The following SPATA6 variants were observed in gnomAD, a reference collection of about 807,000 sequenced individuals.
SPATA6 encodes spermatogenesis associated 6.
Under a neutral mutation model 65.3 loss-of-function variants are expected in SPATA6, and 56 were observed. The observed-to-expected ratio is 0.86, with a 90% CI of 0.69 to 1.07. The LOEUF is 1.07. Among genes scored for constraint, SPATA6 ranks in the 50% least tolerant of loss-of-function variants. SPATA6 has a pLI of 0.00. For synonymous variants in SPATA6, 199 were observed against 213.2 expected (o/e 0.93, Z 0.58); for missense variants, 590 against 594.8 (o/e 0.99, Z 0.08).
At chr1:48,304,827 G>A (rs1161433049) in intron 12 of SPATA6, among the ~76,000 whole-genome samples, 1 of 152,138 alleles carries the variant, frequency 6.6e-6, no homozygotes, top group Admixed American at 6.5e-5. Context: ...TATGGGTTAA[G>A]CACCCAAAAT....
At position 48,412,675 on chromosome 1, in the gene SPATA6, A is replaced by G. The variant is rs556645701; in HGVS notation, c.280+435T>C. On this transcript the variant is annotated intron_variant, in intron 4 of 12. Coordinates refer to ENST00000371847, the MANE Select transcript of SPATA6 (RefSeq NM_019073.4). The stretch of plus-strand genomic sequence containing the variant: ...GCTCTGTCACCCAGGCTGGAGTGCA[A>G]TGGCATGATCTTGGCTCACTGCAAC... Among the ~76,000 whole-genome samples, 8 of 152,140 alleles carry G rather than the reference A, an allele frequency of 5.3e-5. No homozygotes were observed. The South Asian group carries it at 1.7e-3, about 32-fold the overall frequency.
chr1:48,265,427 T>C, the SPATA6 span, among the ~76,000 whole-genome samples: 1 of 151,512 alleles, frequency 6.6e-6, no homozygotes, highest in Non-Finnish European at 1.5e-5. Context: ...TAAAGGTTAG[T>C]CATGGATAAA....
chr1:48,356,505 C>T (rs1322912192), intron 10 of SPATA6, among the ~76,000 whole-genome samples: 2 of 147,654 alleles, frequency 1.4e-5, no homozygotes, highest in African/African-American at 5.0e-5. Context: ...CCCAGTTTGT[C>T]CTTTCTTTTT....
chr1:48,344,078 A>G (rs1646295247), intron 11 of SPATA6: 1 of 152,178 alleles, frequency 6.6e-6, no homozygotes, highest in South Asian at 2.1e-4. Flanking sequence ...TTAAAACACC[A>G]TGATTTCCAC....
At chr1:48,464,991 C>T (rs535803063) in intron 1 of SPATA6, among the ~76,000 whole-genome samples, 8 of 151,498 alleles carry the variant, frequency 5.3e-5, no homozygotes, top group South Asian at 2.1e-4. Flanking sequence ...TTACCAGAAA[C>T]GAAAAAATTA....
At chr1:48,430,244 C>T (rs1021205321) in intron 3 of SPATA6, among the ~76,000 whole-genome samples, 1 of 152,004 alleles carries the variant, frequency 6.6e-6, no homozygotes, top group African/African-American at 2.4e-5. Context: ...AAAAGACAAG[C>T]CACACATCAC....
intron 11 of SPATA6, among the ~76,000 whole-genome samples, chr1:48,320,087 T>C (rs1431408912): frequency 6.6e-6 from 1 of 152,152 alleles, no homozygotes; most frequent in East Asian, 1.9e-4. Context: ...ATGAGCCCTT[T>C]GTCTCCTACA....
the SPATA6 span, among the ~76,000 whole-genome samples, chr1:48,284,995 C>G: frequency 6.6e-6 from 1 of 152,188 alleles, no homozygotes; most frequent in Non-Finnish European, 1.5e-5. Flanking sequence ...AGCCAGCACG[C>G]AGGAACGTTT....
intron 9 of SPATA6, among the ~76,000 whole-genome samples, chr1:48,359,986 T>A (rs1339237728): frequency 6.6e-6 from 1 of 152,150 alleles, no homozygotes; most frequent in Non-Finnish European, 1.5e-5. Context: ...ATCAAGATTG[T>A]CATTATATAT....
At chr1:48,456,756 A>C (rs1657036412) in intron 1 of SPATA6, among the ~76,000 whole-genome samples, 1 of 152,178 alleles carries the variant, frequency 6.6e-6, no homozygotes, top group African/African-American at 2.4e-5. Flanking sequence ...TCACTAGAGA[A>C]GTTCAAGAGG....
chr1:48,321,772 CA>C (rs1293168094), intron 11 of SPATA6, among the ~76,000 whole-genome samples: 1 of 152,070 alleles, frequency 6.6e-6, no homozygotes, highest in East Asian at 1.9e-4. Flanking sequence ...TGTCAGGCCC[CA>C]AAACAAGTCT....
intron 6 of SPATA6, among the ~76,000 whole-genome samples, chr1:48,403,285 A>T (rs1270080168): frequency 1.3e-5 from 2 of 152,154 alleles, no homozygotes; most frequent in South Asian, 4.1e-4. Context: ...AATGTCCAAG[A>T]TTCTCTTGAT....
intron 5 of SPATA6, among the ~76,000 whole-genome samples, chr1:48,405,801 G>A (rs890475193): frequency 5.3e-5 from 8 of 152,072 alleles, no homozygotes; most frequent in African/African-American, 1.7e-4. Context: ...TGAAGGAGTA[G>A]CAAAAATTTT....
At chr1:48,369,401 G>A (rs1211764026) in intron 9 of SPATA6, among the ~76,000 whole-genome samples, 2 of 152,210 alleles carry the variant, frequency 1.3e-5, no homozygotes, top group Non-Finnish European at 2.9e-5. Context: ...GAGGCAGGCA[G>A]GCCTCCTTGA....
At chr1:48,327,501 A>G (rs1446257131) in intron 11 of SPATA6, among the ~76,000 whole-genome samples, 1 of 152,220 alleles carries the variant, frequency 6.6e-6, no homozygotes, top group Non-Finnish European at 1.5e-5. Context: ...GTGGGTATTT[A>G]CCCAAAGGAA....
chr1:48,376,644 A>T (rs1002651416), intron 9 of SPATA6, among the ~76,000 whole-genome samples: 1 of 152,074 alleles, frequency 6.6e-6, no homozygotes, highest in Non-Finnish European at 1.5e-5. Context: ...ACATTCAGTC[A>T]TGTGTTCTCA....
chr1:48,347,457 GTA>G (rs1557593673), intron 11 of SPATA6, among the ~76,000 whole-genome samples: 22 of 142,110 alleles, frequency 1.5e-4, no homozygotes, highest in Non-Finnish European at 4.5e-5. Flanking sequence ...TATATATAAT[GTA>G]TATATAATAT....
chr1:48,331,780 C>T (rs1276589649), intron 11 of SPATA6, among the ~76,000 whole-genome samples: 1 of 152,132 alleles, frequency 6.6e-6, no homozygotes, highest in Non-Finnish European at 1.5e-5. Context: ...ATCTGACACT[C>T]CAAGGTTGAA....
In SPATA6 at chr1:48,297,213, T is replaced by G. The variant is rs908047957; in HGVS notation, c.*1500A>C. 6.6e-6 allele frequency: 1 copy of G among 151,146 alleles called. No homozygotes were observed. Among genetic ancestry groups the G allele is most frequent in the Non-Finnish European group, 1.5e-5 (1 of 67,858 alleles). The allele number at this position is 151,146 out of a possible 1,614,324, so 9.4% of individuals were successfully genotyped here. ...TAAACTTAGATGGCCAATTACATACTTATACCTACATTCCTACGATTATCT... is the reference window on the plus strand; with the variant it reads ...TAAACTTAGATGGCCAATTACATACGTATACCTACATTCCTACGATTATCT... On this transcript the variant is annotated 3_prime_UTR_variant, in exon 13 of 13. Coordinates refer to ENST00000371847, the MANE Select transcript of SPATA6 (RefSeq NM_019073.4).
Sources: gnomAD v4.1 joint callset for allele counts (sites outside exome capture counted in the v4.1 genomes callset) on GRCh38, gnomAD v4.1.1 for gene constraint, MANE v1.5 for transcripts, NCBI Gene and HGNC (gene_info 2026-07-23, HGNC 2026-07-21) for gene names.